The following HIVEP2 variants were observed in gnomAD, a reference collection of about 807,000 sequenced individuals.
HIVEP2 encodes the protein HIVEP zinc finger 2.
Under a neutral mutation model 180.7 loss-of-function variants are expected in HIVEP2, and 14 were observed. That is an observed-to-expected ratio of 0.08 (90% CI 0.05 to 0.12). The LOEUF is 0.12. Ranked by LOEUF, HIVEP2 falls within the 10% of genes least tolerant of loss-of-function variation. The pLI, the probability that HIVEP2 is intolerant of heterozygous loss-of-function variation, is 1.00. For synonymous variants in HIVEP2, 1,184 were observed against 1,136.4 expected, an observed-to-expected ratio of 1.04 and a Z score of -0.84; for missense variants, 2,579 against 3,008.5, an observed-to-expected ratio of 0.86 and a Z score of 3.34.
chr6:142,922,894 T>G (rs528888590), intron 1 of HIVEP2, among the ~76,000 whole-genome samples: 20 of 152,342 alleles, frequency 1.3e-4, no homozygotes, highest in African/African-American at 3.8e-4. Flanking sequence ...AGTATTTATA[T>G]GAACATGTAT....
chr6:142,829,619 T>A (rs1775022012), intron 2 of HIVEP2, among the ~76,000 whole-genome samples: 1 of 152,256 alleles, frequency 6.6e-6, no homozygotes, highest in Non-Finnish European at 1.5e-5. Flanking sequence ...GACTTACTCA[T>A]CATTGTATTC....
chr6:142,842,673 C>A (rs1201692335), intron 1 of HIVEP2, among the ~76,000 whole-genome samples: 1 of 151,792 alleles, frequency 6.6e-6, no homozygotes, highest in Non-Finnish European at 1.5e-5. Flanking sequence ...TGAAAGACTG[C>A]AAGATGCCCA....
chr6:142,859,082 C>A (rs957652364), intron 1 of HIVEP2, among the ~76,000 whole-genome samples: 1 of 152,088 alleles, frequency 6.6e-6, no homozygotes, highest in African/African-American at 2.4e-5. Flanking sequence ...TTGAGATTAG[C>A]CACTTTGAAG....
intron 3 of HIVEP2, chr6:142,779,655 C>A (rs1294140557): frequency 6.6e-6 from 1 of 152,028 alleles, no homozygotes; most frequent in Non-Finnish European, 1.5e-5. Context: ...ACAGCATAAA[C>A]TTCAAGTAAT....
At chr6:142,934,270 G>T (rs538922848) in intron 1 of HIVEP2, among the ~76,000 whole-genome samples, 1 of 152,256 alleles carries the variant, frequency 6.6e-6, no homozygotes, top group East Asian at 1.9e-4. Context: ...GGAGGTAGGG[G>T]AGTGCTATAA....
intron 1 of HIVEP2, among the ~76,000 whole-genome samples, chr6:142,901,079 T>A (rs1777122704): frequency 6.6e-6 from 1 of 152,188 alleles, no homozygotes; most frequent in Admixed American, 6.5e-5. Flanking sequence ...CTATTTATAT[T>A]TTTTTACTCC....
intron 2 of HIVEP2, among the ~76,000 whole-genome samples, chr6:142,784,145 G>A (rs1363271029): frequency 1.3e-5 from 2 of 152,048 alleles, no homozygotes; most frequent in African/African-American, 2.4e-5. Context: ...TTCATATATG[G>A]AATTAATATT....
At chr6:142,838,438 A>G (rs1275059445) in intron 1 of HIVEP2, among the ~76,000 whole-genome samples, 3 of 152,192 alleles carry the variant, frequency 2.0e-5, no homozygotes, top group Non-Finnish European at 4.4e-5. Context: ...CTGAATCAAC[A>G]AACACAATCA....
At chr6:142,765,072 G>A in intron 6 of HIVEP2, 98 bp from the exon 7 acceptor site, 2 of 1,124,768 alleles carry the variant, frequency 1.8e-6, no homozygotes, top group Non-Finnish European at 1.2e-6. Context: ...AGTTTTATGA[G>A]GGTCTTTTGC....
intron 1 of HIVEP2, among the ~76,000 whole-genome samples, chr6:142,941,853 T>G (rs1778186492): frequency 6.6e-6 from 1 of 152,202 alleles, no homozygotes; most frequent in African/African-American, 2.4e-5. Flanking sequence ...AGGTAGATAT[T>G]TAAACTGTGA....
At chr6:142,797,092 A>G (rs1351542699) in intron 2 of HIVEP2, among the ~76,000 whole-genome samples, 1 of 152,150 alleles carries the variant, frequency 6.6e-6, no homozygotes, top group Non-Finnish European at 1.5e-5. Flanking sequence ...TCATGGTAGT[A>G]AATGACAAAA....
chr6:142,815,767 A>G (rs1003263537), intron 2 of HIVEP2, among the ~76,000 whole-genome samples: 2 of 152,220 alleles, frequency 1.3e-5, no homozygotes, highest in African/African-American at 4.8e-5. Flanking sequence ...ATGACTCCAC[A>G]AGAGTCTTTC....
At chr6:142,889,526 A>C (rs1776801923) in intron 1 of HIVEP2, among the ~76,000 whole-genome samples, 2 of 152,210 alleles carry the variant, frequency 1.3e-5, no homozygotes, top group Non-Finnish European at 2.9e-5. Context: ...GATAAAAAGA[A>C]GGTATGGCAG....
In HIVEP2 at chr6:142,771,798, T is replaced by C. The variant is rs923651865; in HGVS notation, c.2941A>G (p.Met981Val). ...SNLSHSSSFS[M>V]SFEREETSKL... ...CTGGTTTCTTCTCTTTCAAAAGACA[T>C]GGAGAAACTGGAGCTGTGGGACAAG... Residue 981 changes from methionine to valine, a missense_variant, in exon 5 of 10, where the codon ATG becomes GTG. Coordinates refer to ENST00000367603, the MANE Select transcript of HIVEP2 (RefSeq NM_006734.4). The surrounding 1 kb of genome is among the most constrained non-coding windows in gnomAD (Gnocchi z 5.4). 4 of 1,614,222 alleles carry C rather than the reference T, an allele frequency of 2.5e-6. No individual in the cohort carries two copies. The highest frequency in any genetic ancestry group is 1.3e-5 in the African/African-American group (1 of 75,050).
At position 142,762,702 on chromosome 6, in the gene HIVEP2, T is replaced by C. The variant is rs78418898; in HGVS notation, c.5519-1137A>G. Among the ~76,000 whole-genome samples, 80 of 152,320 alleles carry C rather than the reference T, an allele frequency of 5.3e-4. 1 individual carries two copies. In the East Asian group the frequency reaches 0.015, roughly 28 times the overall value. On this transcript the variant is annotated intron_variant, in intron 7 of 9. Transcript: ENST00000367603. ...AGCCTGCTAGCACAGTTTATTCCTCTGGTAGGGGTGTTCAGCTTGCTGTTC... is the reference window on the plus strand; with the variant it reads ...AGCCTGCTAGCACAGTTTATTCCTCCGGTAGGGGTGTTCAGCTTGCTGTTC...
chr6:142,896,789 T>C (rs1025103117), intron 1 of HIVEP2, among the ~76,000 whole-genome samples: 1 of 152,220 alleles, frequency 6.6e-6, no homozygotes, highest in African/African-American at 2.4e-5. Flanking sequence ...TCCAGGATTC[T>C]GCTCAATTAT....
At position 142,751,517 on chromosome 6, in the gene HIVEP2, T is replaced by C. The variant is rs1038663309; in HGVS notation, c.*1590A>G. 3 of 152,714 alleles carry C rather than the reference T, an allele frequency of 2.0e-5. No individual in the cohort carries two copies. Among genetic ancestry groups the C allele is most frequent in the Non-Finnish European group, 4.4e-5 (3 of 68,052 alleles). The allele number at this position is 152,714 out of a possible 1,614,324, so 9.5% of individuals were successfully genotyped here. ...TCTCTTTTTAAAGAACACTCCTTAA[T>C]GTAATTCAATATACAAACTTGGTTT... On this transcript the variant is annotated 3_prime_UTR_variant, in exon 10 of 10. Transcript: ENST00000367603.
intron 1 of HIVEP2, among the ~76,000 whole-genome samples, chr6:142,939,970 A>G: frequency 6.6e-6 from 1 of 152,226 alleles, no homozygotes; most frequent in East Asian, 1.9e-4. Flanking sequence ...CTTTTGCTTC[A>G]TATTTTCATA....
chr6:142,897,914 G>A (rs1777039320), intron 1 of HIVEP2, among the ~76,000 whole-genome samples: 1 of 152,254 alleles, frequency 6.6e-6, no homozygotes, highest in South Asian at 2.1e-4. Context: ...TGAGGCCAGG[G>A]ACTAATCCTT....
Sources: gnomAD v4.1 joint callset for allele counts (sites outside exome capture counted in the v4.1 genomes callset) on GRCh38, gnomAD v4.1.1 for gene constraint, Gnocchi (gnomAD v3.1) non-coding constraint, MANE v1.5 for transcripts, NCBI Gene and HGNC (gene_info 2026-07-23, HGNC 2026-07-21) for gene names.